The following PARD3 variants were observed in gnomAD, a reference collection of about 807,000 sequenced individuals.
PARD3 encodes par-3 family cell polarity regulator.
Under a neutral mutation model 155.4 loss-of-function variants are expected in PARD3, and 75 were observed. That is an observed-to-expected ratio of 0.48 (90% CI 0.40 to 0.58). PARD3 has a LOEUF of 0.58. Ranked by LOEUF, PARD3 falls within the 20% of genes least tolerant of loss-of-function variation. The pLI, the probability that PARD3 is intolerant of heterozygous loss-of-function variation, is 0.00. For synonymous variants in PARD3, 576 were observed against 610.5 expected, an observed-to-expected ratio of 0.94 and a Z score of 0.83; for missense variants, 1,642 against 1,721.7, an observed-to-expected ratio of 0.95 and a Z score of 0.82.
In PARD3 at chr10:34,688,239, T is replaced by C. The variant is rs189888280; in HGVS notation, c.222+8079A>G. Among the ~76,000 whole-genome samples the C allele has an allele frequency of 1.4e-3, 220 of 152,310 alleles. 1 individual carries two copies. Among genetic ancestry groups the C allele is most frequent in the African/African-American group, 5.2e-3 (217 of 41,562 alleles). On this transcript the variant is annotated intron_variant, in intron 2 of 24. Coordinates refer to ENST00000374788, the MANE Select transcript of PARD3 (RefSeq NM_001184785.2). ...AATCCCAAGTATTTTTATTCTGTGATAAATTTGGAAAAATTATCCACATTT... is the reference window on the plus strand; with the variant it reads ...AATCCCAAGTATTTTTATTCTGTGACAAATTTGGAAAAATTATCCACATTT...
intron 3 of PARD3, among the ~76,000 whole-genome samples, chr10:34,478,179 A>G (rs930335): frequency 2.0e-5 from 3 of 152,348 alleles, no homozygotes; most frequent in Non-Finnish European, 2.9e-5. Flanking sequence ...TATATAAGCA[A>G]TAAATACAGG....
At chr10:34,777,605 G>A (rs1839747411) in intron 1 of PARD3, among the ~76,000 whole-genome samples, 2 of 151,978 alleles carry the variant, frequency 1.3e-5, no homozygotes, top group South Asian at 2.1e-4. Context: ...TGGTGCAATC[G>A]CTGCAGCCTC....
Position 34,638,620 on chromosome 10 carries a change from T to G in PARD3, c.222+57698A>C, listed in dbSNP as rs545619435. 2.0e-5 allele frequency among the ~76,000 whole-genome samples: 3 copies of G among 152,314 alleles called. No individual in the cohort carries two copies. In the East Asian group the frequency reaches 5.8e-4, roughly 29 times the overall value. On this transcript the variant is annotated intron_variant, in intron 2 of 24. Coordinates refer to ENST00000374788, the MANE Select transcript of PARD3 (RefSeq NM_001184785.2). ...CTCAGCTGCCAGCAAGGATGCTCACTCACAAACTGGCAGTGCCCTCTGCTG... is the reference window on the plus strand; with the variant it reads ...CTCAGCTGCCAGCAAGGATGCTCACGCACAAACTGGCAGTGCCCTCTGCTG...
chr10:34,512,631 A>G (rs2081468647), intron 3 of PARD3, among the ~76,000 whole-genome samples: 1 of 152,222 alleles, frequency 6.6e-6, no homozygotes. Flanking sequence ...TGGGTTGGTC[A>G]TTGATTCTAG....
intron 2 of PARD3, among the ~76,000 whole-genome samples, chr10:34,646,015 A>G (rs967515863): frequency 6.6e-6 from 1 of 152,224 alleles, no homozygotes; most frequent in African/African-American, 2.4e-5. Context: ...TGTTGTAGGA[A>G]CTAGGCCAGA....
chr10:34,424,466 T>G (rs2075482319), intron 5 of PARD3, among the ~76,000 whole-genome samples: 2 of 152,134 alleles, frequency 1.3e-5, no homozygotes, highest in African/African-American at 4.8e-5. Flanking sequence ...ATGATGAAAC[T>G]GGGCTTAGTA....
intron 22 of PARD3, among the ~76,000 whole-genome samples, chr10:34,187,139 G>T (rs1293133343): frequency 6.6e-6 from 1 of 152,144 alleles, no homozygotes; most frequent in Non-Finnish European, 1.5e-5. Flanking sequence ...GGTCCCAGGG[G>T]TACATGGGGG....
chr10:34,194,464 C>CA (rs1271487729), intron 22 of PARD3, among the ~76,000 whole-genome samples: 2 of 151,912 alleles, frequency 1.3e-5, no homozygotes, highest in African/African-American at 4.8e-5. Flanking sequence ...ACAGAGAAAG[C>CA]AAAAAACAGA....
intron 1 of PARD3, among the ~76,000 whole-genome samples, chr10:34,709,070 C>A (rs2094411812): frequency 6.6e-6 from 1 of 151,920 alleles, no homozygotes; most frequent in African/African-American, 2.4e-5. Context: ...AGGTGAGAAC[C>A]CCTAACCCAA....
chr10:34,524,947 C>T (rs750760960), intron 2 of PARD3, among the ~76,000 whole-genome samples: 77 of 152,072 alleles, frequency 5.1e-4, no homozygotes, highest in Admixed American at 1.0e-3. Flanking sequence ...ATTACGTAGA[C>T]ACAACAAAAA....
At chr10:34,504,296 C>G (rs577103517) in intron 3 of PARD3, among the ~76,000 whole-genome samples, 1 of 151,954 alleles carries the variant, frequency 6.6e-6, no homozygotes, top group East Asian at 1.9e-4. Context: ...GTATTTTTTA[C>G]TCTTTTTGTA....
intron 1 of PARD3, among the ~76,000 whole-genome samples, chr10:34,749,833 C>T (rs547683024): frequency 6.6e-6 from 1 of 152,172 alleles, no homozygotes; most frequent in Admixed American, 6.5e-5. Flanking sequence ...CCAGCCTGCG[C>T]AACATGGTGA....
chr10:34,230,580 A>G (rs1346322097), intron 22 of PARD3, among the ~76,000 whole-genome samples: 2 of 152,146 alleles, frequency 1.3e-5, no homozygotes, highest in East Asian at 1.9e-4. Context: ...CCTTTAGTCA[A>G]CTGAATACTG....
chr10:34,261,845 C>CAAA (rs375523699), intron 22 of PARD3, among the ~76,000 whole-genome samples: 1 of 140,032 alleles, frequency 7.1e-6, no homozygotes, highest in Non-Finnish European at 1.6e-5. Context: ...AACAAACAAA[C>CAAA]ACACACACAC....
intron 5 of PARD3, among the ~76,000 whole-genome samples, chr10:34,402,718 T>C (rs1844029526): frequency 6.6e-6 from 1 of 152,204 alleles, no homozygotes; most frequent in African/African-American, 2.4e-5. Flanking sequence ...AGTTTGCTGG[T>C]GTTTACACAT....
chr10:34,266,367 G>T (rs992921290), intron 22 of PARD3, among the ~76,000 whole-genome samples: 6 of 152,174 alleles, frequency 3.9e-5, no homozygotes, highest in African/African-American at 1.4e-4. Flanking sequence ...AGATGAAGAA[G>T]TGCTTTACAG....
In PARD3 at chr10:34,252,592, T is replaced by C. The variant is rs1448090317; in HGVS notation, c.3419+17065A>G. ...TGGCAGCGGCCCTTGCTGATCTGTG[T>C]CTCAGCCCTGGATCATCCCGACACA... On this transcript the variant is annotated intron_variant, in intron 22 of 24. Coordinates refer to ENST00000374788, the MANE Select transcript of PARD3 (RefSeq NM_001184785.2). Among the ~76,000 whole-genome samples, 3 of 152,162 alleles carry C rather than the reference T, an allele frequency of 2.0e-5. No homozygotes were observed. The East Asian group carries it at 5.8e-4, about 29-fold the overall frequency.
At chr10:34,245,274 T>C (rs1348219440) in intron 22 of PARD3, among the ~76,000 whole-genome samples, 3 of 152,070 alleles carry the variant, frequency 2.0e-5, no homozygotes, top group Non-Finnish European at 4.4e-5. Flanking sequence ...TGAGAAGGCA[T>C]ACGTAACGGG....
At chr10:34,354,490 G>C (rs1838564189) in intron 14 of PARD3, among the ~76,000 whole-genome samples, 1 of 152,130 alleles carries the variant, frequency 6.6e-6, no homozygotes. Context: ...GTGGTAGATG[G>C]ACCAAGCCCT....
Sources: gnomAD v4.1 joint callset for allele counts (sites outside exome capture counted in the v4.1 genomes callset) on GRCh38, gnomAD v4.1.1 for gene constraint, MANE v1.5 for transcripts, NCBI Gene and HGNC (gene_info 2026-07-23, HGNC 2026-07-21) for gene names.